The following PTPRS variants were observed in gnomAD, a reference collection of about 807,000 sequenced individuals.
PTPRS encodes the protein protein tyrosine phosphatase receptor type S, also known as receptor-type tyrosine-protein phosphatase S.
Under a neutral mutation model 215.3 loss-of-function variants are expected in PTPRS, and 63 were observed. The ratio of observed to expected loss-of-function variants is 0.29; its 90% confidence interval spans 0.24 to 0.36. The LOEUF is 0.36. Ranked by LOEUF, PTPRS falls within the 10% of genes least tolerant of loss-of-function variation. The pLI is 1.00. For synonymous variants in PTPRS, 1,404 were observed against 1,191.4 expected (o/e 1.18, Z -3.68); for missense variants, 2,258 against 2,825.8 (o/e 0.80, Z 4.56).
chr19:5,259,041 T>A (rs2045786391), intron 7 of PTPRS, among the ~76,000 whole-genome samples: 1 of 152,180 alleles, frequency 6.6e-6, no homozygotes, highest in African/African-American at 2.4e-5. Flanking sequence ...TAGATTAAAT[T>A]TTCAAAAGTG....
In PTPRS at chr19:5,214,483, G is replaced by C; in HGVS notation, c.4495-3C>G. On this transcript the variant is annotated splice_polypyrimidine_tract_variant and splice_region_variant and intron_variant, in intron 29 of 37. Transcript: ENST00000262963. ...GGCCAATACTGATCACACTTGATCT[G>C]TATCGGGCAAGAGAACAGGTGTCAG... The C allele has an allele frequency of 6.2e-7, 1 of 1,614,116 alleles. No individual in the cohort carries two copies. Among genetic ancestry groups the C allele is most frequent in the Non-Finnish European group, 8.5e-7 (1 of 1,180,018 alleles).
At chr19:5,216,594 AC>A (rs2041480822) in intron 26 of PTPRS, 125 bp downstream of exon 26, 3 of 823,956 alleles carry the variant, frequency 3.6e-6, no homozygotes, top group Non-Finnish European at 4.0e-6. Context: ...CCAGCACAAG[AC>A]AGGTGGGCAA....
chr19:5,263,366 T>C (rs889686655), intron 5 of PTPRS, among the ~76,000 whole-genome samples: 3 of 152,028 alleles, frequency 2.0e-5, no homozygotes, highest in Non-Finnish European at 4.4e-5. Flanking sequence ...CTGATCTTTT[T>C]GGGGCTTGGT....
intron 16 of PTPRS, among the ~76,000 whole-genome samples, chr19:5,226,855 T>C (rs569966973): frequency 6.6e-6 from 1 of 152,286 alleles, no homozygotes; most frequent in South Asian, 2.1e-4. Context: ...CTGTTCTCTG[T>C]GGGTATCTGT....
intron 1 of PTPRS, among the ~76,000 whole-genome samples, chr19:5,301,194 A>G (rs1293204863): frequency 1.3e-5 from 2 of 152,330 alleles, no homozygotes; most frequent in African/African-American, 2.4e-5. Context: ...TGACTCAGCC[A>G]AAAGTGGAGG....
At chr19:5,218,684 G>A (rs1362908108) in intron 24 of PTPRS, 103 bp downstream of exon 24, 18 of 1,537,618 alleles carry the variant, frequency 1.2e-5, no homozygotes, top group Non-Finnish European at 1.5e-5. Flanking sequence ...TGTACAAGCT[G>A]TGGGGGCAGC....
In PTPRS at chr19:5,225,811, C is replaced by T. The variant is rs202087387; in HGVS notation, c.2410G>A (p.Ala804Thr). The T allele has an allele frequency of 1.5e-4, 249 of 1,613,962 alleles. No homozygotes were observed. The highest frequency in any genetic ancestry group is 7.8e-4 in the Admixed American group (47 of 60,012). ...MVITNLQPET[A>T]YSITVAAYTM... ...TAGGCGGCTACCGTGATGGAGTACGCGGTCTCAGGCTGCAAGTTTGTGATG... is the reference window on the plus strand; with the variant it reads ...TAGGCGGCTACCGTGATGGAGTACGTGGTCTCAGGCTGCAAGTTTGTGATG... The change falls in exon 17 of 38, where the codon GCG becomes ACG. Residue 804 changes from alanine to threonine, a missense_variant. By Grantham distance (58) the Ala-to-Thr change is moderately conservative. Transcript: ENST00000262963.
At chr19:5,260,512 T>C (rs1209265951) in intron 7 of PTPRS, among the ~76,000 whole-genome samples, 2 of 152,134 alleles carry the variant, frequency 1.3e-5, no homozygotes, top group Non-Finnish European at 2.9e-5. Context: ...CTAAACCACA[T>C]GGGGCTCCCA....
chr19:5,340,634 C>G (rs1156238001), intron 1 of PTPRS, 30 bp downstream of exon 1: 1 of 149,408 alleles, frequency 6.7e-6, no homozygotes, highest in Non-Finnish European at 1.5e-5. Context: ...TTCCTCTAAT[C>G]CATGATTTTA....
Position 5,206,768 on chromosome 19 carries a change from A to G in PTPRS, c.*6T>C. On this transcript the variant is annotated 3_prime_UTR_variant, in exon 38 of 38. Transcript: ENST00000262963. Reference sequence around the variant, plus strand: ...AGTGGTGTCGGGCCTGGGGGGAACCATGGCTTTAGGTTGCATAGTGGTCAA... The same window carrying G: ...AGTGGTGTCGGGCCTGGGGGGAACCGTGGCTTTAGGTTGCATAGTGGTCAA... 1 of 1,613,550 alleles carries G rather than the reference A, an allele frequency of 6.2e-7. No homozygotes were observed. Among genetic ancestry groups the G allele is most frequent in the Non-Finnish European group, 8.5e-7 (1 of 1,179,508 alleles).
At chr19:5,228,414 T>C (rs2006674) in intron 16 of PTPRS, among the ~76,000 whole-genome samples, 132,333 of 149,646 alleles carry the variant, frequency 0.88, 58,794 homozygotes, top group African/African-American at 0.97. Flanking sequence ...GGTGCCATTT[T>C]GGCTCACTGC....
rs567982640 is a variant in PTPRS, at chr19:5,278,101, C to T, written c.92-3757G>A. On this transcript the variant is annotated intron_variant, in intron 2 of 37. Transcript: ENST00000262963. Reference sequence around the variant, plus strand: ...GCCCAGCTGCCGTCAGAGTCACCAACCCCAATGCCAGGCTGCGCAGTGAAG... The same window carrying T: ...GCCCAGCTGCCGTCAGAGTCACCAATCCCAATGCCAGGCTGCGCAGTGAAG... 6.9e-5 allele frequency: 53 copies of T among 770,872 alleles called. 2 individuals are homozygous for T. The highest frequency in any genetic ancestry group is 4.3e-4 in the South Asian group (27 of 62,114). 47.8% of individuals were successfully genotyped at this position (770,872 alleles called of 1,614,324 possible). A position where few individuals can be genotyped will look rare whatever the true frequency, so the allele number is the denominator to read the frequency against.
chr19:5,306,216 C>A (rs540788295), intron 1 of PTPRS, among the ~76,000 whole-genome samples: 1 of 151,222 alleles, frequency 6.6e-6, no homozygotes, highest in East Asian at 2.0e-4. Context: ...ACAATCTCAG[C>A]TCACTGCAAC....
intron 7 of PTPRS, among the ~76,000 whole-genome samples, chr19:5,260,352 G>T (rs2045890357): frequency 5.9e-5 from 9 of 152,034 alleles, no homozygotes. Context: ...GCTAATTTTT[G>T]TGTTTTTAGT....
Position 5,212,199 on chromosome 19 carries a change from C to T in PTPRS, c.4821G>A (p.Glu1607=), listed in dbSNP as rs763777469. The part of the protein sequence containing the change: ...GCFIVIDAML[E]RIKPEKTVDV... ...CGACTGTCTTCTCTGGCTTGATCCG[C>T]TCAAGCATGGCGTCGATGACGATAA... The change falls in exon 32 of 38, where the codon GAG becomes GAA. Residue 1607 remains glutamate (E), a synonymous_variant. Transcript: ENST00000262963. 2 of 1,613,766 alleles carry T rather than the reference C, an allele frequency of 1.2e-6. No homozygotes were observed. The highest frequency in any genetic ancestry group is 4.5e-5 in the East Asian group (2 of 44,884).
intron 15 of PTPRS, 29 bp downstream of exon 15, chr19:5,229,456 GCCCGTC>G (rs761497420): frequency 1.9e-5 from 26 of 1,383,710 alleles, no homozygotes; most frequent in East Asian, 3.1e-5. Flanking sequence ...CCCGCCCGGA[GCCCGTC>G]CCCGGCCCCG....
chr19:5,300,780 AAAAAAGAAAAG>A (rs2049279406), intron 1 of PTPRS, among the ~76,000 whole-genome samples: 1 of 151,238 alleles, frequency 6.6e-6, no homozygotes, highest in African/African-American at 2.4e-5. Flanking sequence ...AAAAAAAAAA[AAAAAAGAAAAG>A]AAAAGAAAGA....
In PTPRS at chr19:5,212,329, G is replaced by C. The variant is rs1283601353; in HGVS notation, c.4769+8C>G. The stretch of plus-strand genomic sequence containing the variant: ...GGAAGCGGATGGGGCAGAGTGGGGT[G>C]GACGTACCTGCAGTGAACCACGATG... On this transcript the variant is annotated splice_region_variant and intron_variant, in intron 31 of 37. Transcript: ENST00000262963. 6.2e-7 allele frequency: 1 copy of C among 1,613,374 alleles called. No individual in the cohort carries two copies. The highest frequency in any genetic ancestry group is 8.5e-7 in the Non-Finnish European group (1 of 1,179,764).
At chr19:5,315,209 G>A (rs1394807888) in intron 1 of PTPRS, among the ~76,000 whole-genome samples, 2 of 151,662 alleles carry the variant, frequency 1.3e-5, no homozygotes, top group Non-Finnish European at 2.9e-5. Context: ...CATCACTCAC[G>A]CCCAGAGCCT....
Sources: gnomAD v4.1 joint callset for allele counts (sites outside exome capture counted in the v4.1 genomes callset) on GRCh38, gnomAD v4.1.1 for gene constraint, MANE v1.5 for transcripts, NCBI Gene and HGNC (gene_info 2026-07-23, HGNC 2026-07-21) for gene names.